The following SCRN1 variants were observed in gnomAD, a reference collection of about 807,000 sequenced individuals.
SCRN1 encodes secernin 1, also known as secernin-1.
A neutral mutation model predicts 43.3 loss-of-function variants in SCRN1; 19 were observed. The observed-to-expected ratio is 0.44, with a 90% CI of 0.31 to 0.64. The LOEUF is 0.64. SCRN1 is among the 30% of genes least tolerant of loss of function. The probability of loss-of-function intolerance (pLI) is 0.09; values close to 1 mark genes in which losing one functional copy is unlikely to be tolerated. For synonymous variants in SCRN1, 183 were observed against 188.9 expected (o/e 0.97, Z 0.26); for missense variants, 447 against 524.1 (o/e 0.85, Z 1.44).
At chr7:29,981,527 T>C (rs1163731585) in intron 1 of SCRN1, among the ~76,000 whole-genome samples, 10 of 152,192 alleles carry the variant, frequency 6.6e-5, no homozygotes, top group Admixed American at 6.5e-4. Flanking sequence ...TTAGGTTAAA[T>C]ACATAATCAT....
At chr7:29,972,278 C>T (rs921557235) in intron 1 of SCRN1, among the ~76,000 whole-genome samples, 1 of 152,046 alleles carries the variant, frequency 6.6e-6, no homozygotes, top group African/African-American at 2.4e-5. Flanking sequence ...TCATATGCTC[C>T]CTCTCTCCCC....
At chr7:29,937,653 T>G (rs1033953027) in intron 5 of SCRN1, among the ~76,000 whole-genome samples, 1 of 152,208 alleles carries the variant, frequency 6.6e-6, no homozygotes, top group Non-Finnish European at 1.5e-5. Context: ...GTGGGAAATA[T>G]ATGCACAGAG....
At chr7:29,967,784 T>C (rs1788544096) in intron 2 of SCRN1, among the ~76,000 whole-genome samples, 2 of 152,046 alleles carry the variant, frequency 1.3e-5, no homozygotes, top group Non-Finnish European at 2.9e-5. Flanking sequence ...GATATAAAAA[T>C]ATACCTGAAA....
chr7:29,964,948 C>CAA (rs1352083095), intron 2 of SCRN1, among the ~76,000 whole-genome samples: 1 of 143,066 alleles, frequency 7.0e-6, no homozygotes, highest in Non-Finnish European at 1.5e-5. Flanking sequence ...TCTCAAAAAA[C>CAA]AAAATATATA....
chr7:29,924,153 T>C (rs376086790), intron 7 of SCRN1, 38 bp from the exon 8 acceptor site: 86 of 1,585,098 alleles, frequency 5.4e-5, no homozygotes, highest in Non-Finnish European at 7.0e-5. Flanking sequence ...GTCAGCAAAA[T>C]AGCAGGGGAC....
At chr7:29,957,609 A>G (rs1788175850) in intron 2 of SCRN1, among the ~76,000 whole-genome samples, 1 of 152,212 alleles carries the variant, frequency 6.6e-6, no homozygotes, top group South Asian at 2.1e-4. Context: ...AGGCATCAAT[A>G]AGCCTTTTGT....
intron 1 of SCRN1, among the ~76,000 whole-genome samples, chr7:29,978,335 A>G (rs1306775525): frequency 6.6e-6 from 1 of 152,234 alleles, no homozygotes; most frequent in Admixed American, 6.5e-5. Context: ...TGGCAACACC[A>G]AATCCACATT....
In SCRN1 at chr7:29,943,886, T is replaced by C. The variant is rs1320814593; in HGVS notation, c.544+91A>G. On this transcript the variant is annotated intron_variant, in intron 4 of 7. Transcript: ENST00000242059. ...CAGAGAGGACCTGCAACGGCACGTC[T>C]TTCTTCCAGGTCTGACACTGTACGT... The C allele has an allele frequency of 2.4e-6, 3 of 1,235,722 alleles. No individual in the cohort carries two copies. In the African/African-American group the frequency reaches 4.5e-5, roughly 18 times the overall value. The allele number at this position is 1,235,722 out of a possible 1,614,324, so 76.5% of individuals were successfully genotyped here. A position where few individuals can be genotyped will look rare whatever the true frequency, so the allele number is the denominator to read the frequency against.
chr7:29,974,745 G>A lies in SCRN1; in HGVS notation c.-1-5677C>T, dbSNP rs546924042. On this transcript the variant is annotated intron_variant, in intron 1 of 7. Coordinates refer to ENST00000242059, the MANE Select transcript of SCRN1 (RefSeq NM_014766.5). ...GTCGCCCAGGCTGGAGTACAGTGGC[G>A]CGATCTTGGCTTACTGCAACCTCCA... Among the ~76,000 whole-genome samples, 7 of 147,944 alleles carry A rather than the reference G, an allele frequency of 4.7e-5. No homozygotes were observed. The East Asian group carries it at 9.9e-4, about 21-fold the overall frequency.
At chr7:29,939,016 G>C (rs1428958335) in intron 5 of SCRN1, among the ~76,000 whole-genome samples, 3 of 152,084 alleles carry the variant, frequency 2.0e-5, no homozygotes, top group Non-Finnish European at 2.9e-5. Context: ...ATCAGATTTA[G>C]AGTTGATGTT....
In SCRN1 at chr7:29,934,618, A is replaced by C. The variant is rs145775769; in HGVS notation, c.905+1938T>G. Among the ~76,000 whole-genome samples the C allele has an allele frequency of 2.6e-4, 39 of 152,386 alleles. 1 individual carries two copies. Among genetic ancestry groups the C allele is most frequent in the African/African-American group, 9.1e-4 (38 of 41,592 alleles). The stretch of plus-strand genomic sequence containing the variant: ...TCACAGTCCAGGAGGAGGGAGGCCC[A>C]GACACAAAGGGAAGACGGAGCCCCA... On this transcript the variant is annotated intron_variant, in intron 6 of 7. Transcript: ENST00000242059.
chr7:29,930,359 A>G (rs1019876255), intron 6 of SCRN1, among the ~76,000 whole-genome samples: 4 of 152,198 alleles, frequency 2.6e-5, no homozygotes, highest in African/African-American at 9.7e-5. Context: ...GTGGTTCCCA[A>G]ACATTTTGAT....
At chr7:29,982,846 A>T (rs1208470078) in intron 1 of SCRN1, among the ~76,000 whole-genome samples, 1 of 146,022 alleles carries the variant, frequency 6.8e-6, no homozygotes, top group Non-Finnish European at 1.5e-5. Flanking sequence ...GTGTCTCTTC[A>T]TTTTTTTTTT....
intron 2 of SCRN1, among the ~76,000 whole-genome samples, chr7:29,961,594 C>T (rs1325946858): frequency 6.6e-6 from 1 of 151,694 alleles, no homozygotes; most frequent in Non-Finnish European, 1.5e-5. Context: ...GCACACCTCC[C>T]AGACGGGGTG....
chr7:29,979,103 G>A (rs978501415), intron 1 of SCRN1, among the ~76,000 whole-genome samples: 5 of 152,132 alleles, frequency 3.3e-5, no homozygotes, highest in African/African-American at 9.7e-5. Flanking sequence ...GGTGGCTGAC[G>A]CCTGTAATCC....
At chr7:29,970,328 CCT>C (rs1334886383) in intron 1 of SCRN1, among the ~76,000 whole-genome samples, 1 of 152,178 alleles carries the variant, frequency 6.6e-6, no homozygotes, top group Non-Finnish European at 1.5e-5. Flanking sequence ...GCCTGCCAGA[CCT>C]CTGCACATGC....
At chr7:29,958,565 A>G (rs560438304) in intron 2 of SCRN1, among the ~76,000 whole-genome samples, 2 of 152,360 alleles carry the variant, frequency 1.3e-5, no homozygotes, top group Admixed American at 6.5e-5. Flanking sequence ...TGGCAAAAAC[A>G]ATTTAGTTCC....
rs75604334 is a variant in SCRN1 at position 29,955,329 on chromosome 7, C to G, written c.191G>C (p.Arg64Thr). The change falls in exon 3 of 8, where the codon AGG becomes ACG. Residue 64 changes from arginine (R) to threonine (T), a missense_variant. Arg to Thr is a moderately conservative substitution (Grantham distance 71, BLOSUM62 -1). Transcript: ENST00000242059. ...CTYISIDQVP[R>T]TYAIMISRPA... Reference sequence around the variant, plus strand: ...TCTGCTTATCATTATGGCATAGGTCCTTGGAACTTGGTCGATTGAAATGTA... The same window carrying G: ...TCTGCTTATCATTATGGCATAGGTCGTTGGAACTTGGTCGATTGAAATGTA... 39,359 of 1,613,756 alleles carry G rather than the reference C, an allele frequency of 0.024. 616 individuals carry two copies. The highest frequency in any genetic ancestry group is 0.057 in the South Asian group (5,167 of 90,940).
At chr7:29,989,907 C>G (rs1327613136), upstream of SCRN1, 2 of 1,108,212 alleles carry the variant, frequency 1.8e-6, no homozygotes, top group African/African-American at 1.7e-5. Flanking sequence ...CGCCGCACCC[C>G]GCGCGTCTGG....
Sources: gnomAD v4.1 joint callset for allele counts (sites outside exome capture counted in the v4.1 genomes callset) on GRCh38, gnomAD v4.1.1 for gene constraint, MANE v1.5 for transcripts, NCBI Gene and HGNC (gene_info 2026-07-23, HGNC 2026-07-21) for gene names.